Variants in AZIN2 observed in about 807,000 individuals in gnomAD.
AZIN2 encodes ODC antizyme inhibitor-2.
Under a neutral mutation model 47.8 loss-of-function variants are expected in AZIN2, and 28 were observed. The ratio of observed to expected loss-of-function variants is 0.59; its 90% CI spans 0.43 to 0.80. The LOEUF (loss-of-function observed/expected upper bound fraction) is 0.80. Ranked by LOEUF, AZIN2 falls within the 30% of genes least tolerant of loss-of-function variation. The probability of loss-of-function intolerance (pLI) is 0.00; values close to 1 mark genes in which losing one functional copy is unlikely to be tolerated. For missense variants in AZIN2, 535 were observed against 582.5 expected (o/e 0.92, Z 0.84); for synonymous variants, 221 against 239.4 (o/e 0.92, Z 0.71).
In AZIN2 at chr1:33,121,038, T is replaced by C. The variant is rs1229340234; in HGVS notation, c.*856T>C. 6.6e-6 allele frequency among the ~76,000 whole-genome samples: 1 copy of C among 152,268 alleles called. No individual in the cohort carries two copies. The highest frequency in any genetic ancestry group is 2.4e-5 in the African/African-American group (1 of 41,558). On this transcript the variant is annotated 3_prime_UTR_variant, in exon 12 of 12. Transcript: ENST00000294517. ...AACAGGGCTGGCCACGGAGTATTGC[T>C]GTGTCCAGTGCCGACAGCCCTGGCA...
the AZIN2 span, among the ~76,000 whole-genome samples, chr1:33,155,082 G>A: frequency 5.0e-5 from 7 of 139,152 alleles, no homozygotes; most frequent in Admixed American, 2.8e-4. Context: ...GACAGAGCGA[G>A]ACTCCATCTC....
At chr1:33,127,645 C>T (rs1339375932), downstream of AZIN2, among the ~76,000 whole-genome samples, 3 of 152,218 alleles carry the variant, frequency 2.0e-5, no homozygotes, top group Non-Finnish European at 4.4e-5. Flanking sequence ...TACTTAAAAA[C>T]GGAGGATCTG....
intron 10 of AZIN2, among the ~76,000 whole-genome samples, chr1:33,106,825 C>A (rs1271183449): frequency 6.6e-6 from 1 of 152,106 alleles, no homozygotes; most frequent in African/African-American, 2.4e-5. Flanking sequence ...CAACAAGGAT[C>A]CTAAGGTCAG....
At chr1:33,085,831 G>A (rs139540685) in intron 5 of AZIN2, among the ~76,000 whole-genome samples, 27 of 152,308 alleles carry the variant, frequency 1.8e-4, no homozygotes, top group African/African-American at 5.8e-4. Context: ...AGAGACTGCC[G>A]TTCTACAGTT....
chr1:33,117,980 G>A lies in AZIN2; in HGVS notation c.1108G>A (p.Gly370Ser), dbSNP rs1461418468. The part of the protein sequence containing the change: ...AVDGCDCVAE[G>S]LWLPQLHVGD... ...TGATGGCTGTGATTGCGTGGCTGAG[G>A]GCCTGTGGCTGCCGCAACTACACGT... Residue 370 changes from glycine (G) to serine (S), a missense_variant, in exon 11 of 12, where the codon GGC (glycine) becomes AGC (serine). Transcript: ENST00000294517. 3.1e-6 allele frequency: 5 copies of A among 1,611,882 alleles called. No homozygotes were observed. In the South Asian group the frequency reaches 3.3e-5, roughly 11 times the overall value.
At chr1:33,161,167 A>G in the AZIN2 span, among the ~76,000 whole-genome samples, 2 of 152,244 alleles carry the variant, frequency 1.3e-5, no homozygotes, top group Non-Finnish European at 2.9e-5. This position sits in a 1 kb window ranked among gnomAD's most constrained non-coding sequence, Gnocchi z 4.3. Context: ...AGGCGCAGAG[A>G]AAGAGCCTGG....
chr1:33,117,862 T>C (rs377025443), intron 10 of AZIN2, 40 bp from the exon 11 acceptor site: 1 of 1,610,234 alleles, frequency 6.2e-7, no homozygotes, highest in Non-Finnish European at 8.5e-7. Flanking sequence ...GGCTGTTGTA[T>C]GCCCAGGAGA....
the AZIN2 span, among the ~76,000 whole-genome samples, chr1:33,152,482 G>T: frequency 6.6e-6 from 1 of 151,692 alleles, no homozygotes; most frequent in Non-Finnish European, 1.5e-5. Flanking sequence ...CAGGAGAATC[G>T]CTTGAATCTG....
At chr1:33,083,804 T>C (rs41265885) in intron 4 of AZIN2, 150 bp from the exon 5 acceptor site, 20,304 of 851,664 alleles carry the variant, frequency 0.024, 603 homozygotes, top group African/African-American at 0.12. Context: ...CCTTCTGCCC[T>C]GTAGGCTTGG....
intron 10 of AZIN2, among the ~76,000 whole-genome samples, chr1:33,098,564 G>A (rs1643395292): frequency 2.0e-5 from 3 of 152,116 alleles, no homozygotes; most frequent in Non-Finnish European, 4.4e-5. Context: ...TCAGCTCTGT[G>A]GTAAATTCCT....
chr1:33,131,056 C>G, the AZIN2 span, among the ~76,000 whole-genome samples: 2 of 152,172 alleles, frequency 1.3e-5, no homozygotes, highest in Admixed American at 1.3e-4. Context: ...CTTGAGATTT[C>G]TGGCAACAAC....
At chr1:33,114,453 A>T (rs370889341) in intron 10 of AZIN2, among the ~76,000 whole-genome samples, 6 of 146,860 alleles carry the variant, frequency 4.1e-5, no homozygotes, top group Middle Eastern at 3.5e-3. Flanking sequence ...TTCCGGGTTC[A>T]CGCCATTCTC....
intron 10 of AZIN2, among the ~76,000 whole-genome samples, chr1:33,108,188 A>C (rs922453677): frequency 1.3e-5 from 2 of 152,324 alleles, no homozygotes; most frequent in Non-Finnish European, 2.9e-5. Flanking sequence ...TTTACGGTCA[A>C]TTGATCTTCA....
At chr1:33,159,965 G>A in the AZIN2 span, 7 of 1,592,358 alleles carry the variant, frequency 4.4e-6, no homozygotes, top group Middle Eastern at 3.3e-4. The surrounding 1 kb of genome is among the most constrained non-coding windows in gnomAD (Gnocchi z 4.2). Context: ...CAGTCGTCAG[G>A]GGTTATGGCT....
At chr1:33,125,183 C>G (rs1331422229), downstream of AZIN2, among the ~76,000 whole-genome samples, 1 of 152,154 alleles carries the variant, frequency 6.6e-6, no homozygotes, top group African/African-American at 2.4e-5. Flanking sequence ...CCATCTCATT[C>G]CAGCTGTAAA....
At chr1:33,149,675 GA>G in the AZIN2 span, among the ~76,000 whole-genome samples, 3 of 152,048 alleles carry the variant, frequency 2.0e-5, no homozygotes, top group Non-Finnish European at 4.4e-5. Context: ...GGCTGGTCTC[GA>G]ACTCCTGGCC....
At chr1:33,165,409 C>T in the AZIN2 span, 10 of 1,453,206 alleles carry the variant, frequency 6.9e-6, no homozygotes, top group South Asian at 1.1e-4. The surrounding 1 kb of genome is among the most constrained non-coding windows in gnomAD (Gnocchi z 4.0). Flanking sequence ...CAGCTGGCCC[C>T]GCCCCTCGAA....
intron 10 of AZIN2, 138 bp downstream of exon 10, chr1:33,098,317 C>A: frequency 1.6e-6 from 1 of 617,998 alleles, no homozygotes; most frequent in South Asian, 2.3e-5. Flanking sequence ...AAGGTTATCA[C>A]CCATAATCCC....
At chr1:33,125,581 A>T (rs1379925140), downstream of AZIN2, among the ~76,000 whole-genome samples, 3 of 152,094 alleles carry the variant, frequency 2.0e-5, no homozygotes, top group African/African-American at 4.8e-5. Context: ...TTTTCCAAAC[A>T]TCCTGTTCAA....
Sources: gnomAD v4.1 joint callset for allele counts (sites outside exome capture counted in the v4.1 genomes callset) on GRCh38, gnomAD v4.1.1 for gene constraint, Gnocchi (gnomAD v3.1) non-coding constraint, MANE v1.5 for transcripts, NCBI Gene and HGNC (gene_info 2026-07-23, HGNC 2026-07-21) for gene names.